ART1: variants seen among roughly 807,000 people sequenced by gnomAD.
The protein encoded by ART1 is GPI-linked NAD(P)(+)--arginine ADP-ribosyltransferase 1.
ART1 carries 29 observed loss-of-function variants against 27.0 expected under a neutral mutation model. The observed-to-expected ratio is 1.08, with a 90% CI of 0.80 to 1.47. ART1 has a LOEUF of 1.47. ART1 is among the 40% of genes most tolerant of loss of function. ART1 has a pLI of 0.00. For missense variants in ART1, 480 were observed against 423.0 expected, an observed-to-expected ratio of 1.13 and a Z score of -1.18; for synonymous variants, 201 against 172.2, an observed-to-expected ratio of 1.17 and a Z score of -1.31.
In ART1 at chr11:3,660,278, T is replaced by C. The variant is rs2077610647; in HGVS notation, c.759T>C (p.Asn253=). Residue 253 remains asparagine (N), a synonymous_variant, in exon 3 of 5, where the codon AAT becomes AAC. Transcript: ENST00000250693. The part of the protein sequence containing the change: ...IPPFETFQVI[N]ASRLAQGPAR... ...CCTTTGAGACCTTCCAAGTGATCAA[T>C]GCCAGCAGACTGGCCCAGGGCCCCG... The C allele has an allele frequency of 3.1e-6, 5 of 1,612,470 alleles. No individual in the cohort carries two copies. The highest frequency in any genetic ancestry group is 4.2e-6 in the Non-Finnish European group (5 of 1,179,992).
intron 1 of ART1, among the ~76,000 whole-genome samples, chr11:3,649,519 G>A (rs973805486): frequency 5.9e-5 from 9 of 152,026 alleles, no homozygotes; most frequent in African/African-American, 1.7e-4. Flanking sequence ...CCCAAGTGTC[G>A]CTGAGTCTTT....
chr11:3,659,335 G>C (rs2077598992), intron 2 of ART1, 59 bp downstream of exon 2: 1 of 1,607,000 alleles, frequency 6.2e-7, no homozygotes, highest in Non-Finnish European at 8.5e-7. Context: ...GGCTTCTTCT[G>C]AACCCTGGAG....
chr11:3,662,956 A>G (rs1197695146), intron 4 of ART1, among the ~76,000 whole-genome samples: 1 of 152,238 alleles, frequency 6.6e-6, no homozygotes, highest in Non-Finnish European at 1.5e-5. Flanking sequence ...CTCAAGAGCC[A>G]AACTCTGAAC....
At chr11:3,663,838 T>C (rs756537110) in intron 4 of ART1, 1 of 415,832 alleles carries the variant, frequency 2.4e-6, no homozygotes, top group Admixed American at 4.1e-5. Flanking sequence ...AATTTAGCAG[T>C]GGGGGGACTG....
In ART1 at chr11:3,651,166, C is replaced by A. The variant is rs1054440898; in HGVS notation, c.-53+5987C>A. ...TATCCTCAATTCCTCCCTCTACAAC[C>A]CATTATTCTGTTCTGGGTCTCAAAC... On this transcript the variant is annotated intron_variant, in intron 1 of 4. Transcript: ENST00000250693. Among the ~76,000 whole-genome samples the A allele has an allele frequency of 2.0e-5, 3 of 147,842 alleles. No homozygotes were observed. In the Admixed American group the frequency reaches 2.0e-4, roughly 10 times the overall value.
intron 1 of ART1, among the ~76,000 whole-genome samples, chr11:3,655,023 C>A (rs570991500): frequency 4.9e-4 from 74 of 152,318 alleles, no homozygotes; most frequent in African/African-American, 1.7e-3. Flanking sequence ...CAGTGGCAAA[C>A]AAACATTTAC....
chr11:3,653,392 C>G lies in ART1; in HGVS notation c.-52-5770C>G, dbSNP rs914562132. On this transcript the variant is annotated intron_variant, in intron 1 of 4. Transcript: ENST00000250693. The stretch of plus-strand genomic sequence containing the variant: ...GACATTGTCTTGTGAAATTCCTTCT[C>G]CTGGCTCATCCTGGCTCAAAAGCTC... 8.8e-5 allele frequency among the ~76,000 whole-genome samples: 13 copies of G among 148,280 alleles called. 1 individual carries two copies. The highest frequency in any genetic ancestry group is 3.1e-4 in the African/African-American group (12 of 38,188).
intron 1 of ART1, among the ~76,000 whole-genome samples, chr11:3,653,449 A>G (rs367909824): frequency 2.2e-5 from 3 of 138,864 alleles, no homozygotes; most frequent in Non-Finnish European, 4.5e-5. Context: ...CCCCACTCTG[A>G]CTGCCAGAGA....
At chr11:3,653,595 C>A (rs1422998286) in intron 1 of ART1, among the ~76,000 whole-genome samples, 3 of 152,194 alleles carry the variant, frequency 2.0e-5, no homozygotes, top group African/African-American at 4.8e-5. Context: ...TTATTGCTCA[C>A]ACAAAGCCTG....
chr11:3,652,357 T>A (rs984970837), intron 1 of ART1, among the ~76,000 whole-genome samples: 14 of 148,866 alleles, frequency 9.4e-5, no homozygotes, highest in African/African-American at 3.6e-4. Context: ...CCTTTACTAG[T>A]CAAATCAGCC....
At chr11:3,647,139 C>A (rs570523774) in intron 1 of ART1, among the ~76,000 whole-genome samples, 8 of 151,924 alleles carry the variant, frequency 5.3e-5, no homozygotes, top group African/African-American at 1.9e-4. Context: ...GCCTGACCAA[C>A]GTGGAGAAAC....
intron 1 of ART1, among the ~76,000 whole-genome samples, chr11:3,653,418 C>G (rs1370698388): frequency 6.8e-6 from 1 of 147,968 alleles, no homozygotes; most frequent in Non-Finnish European, 1.5e-5. Context: ...TCAAAAGCTC[C>G]TCTACTGCGC....
Position 3,664,280 on chromosome 11 carries a change from C to T in ART1, c.*91C>T, listed in dbSNP as rs1406059421. On this transcript the variant is annotated 3_prime_UTR_variant, in exon 5 of 5. Transcript: ENST00000250693. ...CTTTCAGTGTAACCAAGATTCCTGT[C>T]AATCCCATCTGCAGGGAACTCTGGG... 5 of 1,259,586 alleles carry T rather than the reference C, an allele frequency of 4.0e-6. No individual in the cohort carries two copies. Among genetic ancestry groups the T allele is most frequent in the Non-Finnish European group, 4.6e-6 (4 of 878,554 alleles). The allele number at this position is 1,259,586 out of a possible 1,614,324, so 78.0% of individuals were successfully genotyped here.
intron 1 of ART1, among the ~76,000 whole-genome samples, chr11:3,646,204 G>A (rs2077468927): frequency 6.6e-6 from 1 of 152,098 alleles, no homozygotes; most frequent in South Asian, 2.1e-4. Flanking sequence ...CCAGAGTCGC[G>A]CTTTAGAAAC....
intron 4 of ART1, among the ~76,000 whole-genome samples, chr11:3,662,736 C>T (rs1411874690): frequency 2.0e-5 from 3 of 152,126 alleles, no homozygotes; most frequent in Non-Finnish European, 4.4e-5. Flanking sequence ...CCCAGCTACT[C>T]GGGAGACTGA....
At chr11:3,646,278 G>A (rs531109863) in intron 1 of ART1, among the ~76,000 whole-genome samples, 1 of 152,120 alleles carries the variant, frequency 6.6e-6, no homozygotes, top group African/African-American at 2.4e-5. Context: ...TCAGCGAGGA[G>A]GAAGGGGCAA....
At chr11:3,651,571 T>G (rs532844249) in intron 1 of ART1, among the ~76,000 whole-genome samples, 3 of 150,938 alleles carry the variant, frequency 2.0e-5, no homozygotes, top group African/African-American at 4.9e-5. Context: ...CTAGCCCTCA[T>G]GTCTGCGTGC....
At chr11:3,653,129 C>A (rs1443954166) in intron 1 of ART1, among the ~76,000 whole-genome samples, 1 of 148,394 alleles carries the variant, frequency 6.7e-6, no homozygotes, top group Non-Finnish European at 1.5e-5. Flanking sequence ...TGAGAAACAT[C>A]GCCCATTATC....
At chr11:3,655,096 A>T (rs1054731027) in intron 1 of ART1, among the ~76,000 whole-genome samples, 4 of 152,210 alleles carry the variant, frequency 2.6e-5, no homozygotes, top group Non-Finnish European at 4.4e-5. Flanking sequence ...TTGGTTGGGC[A>T]GCTCTGCTCA....
Sources: gnomAD v4.1 joint callset for allele counts (sites outside exome capture counted in the v4.1 genomes callset) on GRCh38, gnomAD v4.1.1 for gene constraint, MANE v1.5 for transcripts, NCBI Gene and HGNC (gene_info 2026-07-23, HGNC 2026-07-21) for gene names.